The following CLVS1 variants were observed in gnomAD, a reference collection of about 807,000 sequenced individuals.
CLVS1 encodes the protein clavesin 1.
In CLVS1, 10 loss-of-function variants were observed where a neutral mutation model predicts 33.1. The observed-to-expected ratio is 0.30, with a 90% CI of 0.19 to 0.51. CLVS1 has a LOEUF of 0.51. Among genes scored for constraint, CLVS1 ranks in the 20% least tolerant of loss-of-function variants. The pLI, the probability that CLVS1 is intolerant of heterozygous loss-of-function variation, is 0.97. For missense variants in CLVS1, 343 were observed against 433.4 expected, an observed-to-expected ratio of 0.79 and a Z score of 1.85; for synonymous variants, 163 against 166.1, an observed-to-expected ratio of 0.98 and a Z score of 0.14.
At chr8:61,026,853 G>T in the CLVS1 span, among the ~76,000 whole-genome samples, 2 of 152,086 alleles carry the variant, frequency 1.3e-5, no homozygotes, top group Admixed American at 6.5e-5. Context: ...AACTCCAGAG[G>T]TATTACCACA....
chr8:61,375,196 G>A (rs1229548147), intron 2 of CLVS1, among the ~76,000 whole-genome samples: 3 of 151,442 alleles, frequency 2.0e-5, no homozygotes. Context: ...TTTAAGCATA[G>A]GCATAACACT....
intron 2 of CLVS1, among the ~76,000 whole-genome samples, chr8:61,221,873 G>A (rs978576953): frequency 1.3e-5 from 2 of 152,100 alleles, no homozygotes; most frequent in Non-Finnish European, 2.9e-5. Context: ...CTTGTTATTG[G>A]TCTATTCAGA....
chr8:61,433,704 T>C (rs1006536213), intron 3 of CLVS1, among the ~76,000 whole-genome samples: 1 of 151,204 alleles, frequency 6.6e-6, no homozygotes, highest in Non-Finnish European at 1.5e-5. Context: ...CAAGTAGAAG[T>C]TGGAAATGGG....
At chr8:61,010,677 CTA>C in the CLVS1 span, among the ~76,000 whole-genome samples, 2 of 152,210 alleles carry the variant, frequency 1.3e-5, no homozygotes, top group African/African-American at 4.8e-5. Flanking sequence ...ACAGGCAATT[CTA>C]TGAGTATCCA....
At chr8:61,038,958 T>C in the CLVS1 span, among the ~76,000 whole-genome samples, 2 of 152,234 alleles carry the variant, frequency 1.3e-5, no homozygotes, top group Non-Finnish European at 2.9e-5. Flanking sequence ...ACCCACATTT[T>C]TTTTTATTAA....
intron 1 of CLVS1, among the ~76,000 whole-genome samples, chr8:61,102,227 A>G (rs1423353538): frequency 6.6e-6 from 1 of 152,154 alleles, no homozygotes; most frequent in East Asian, 1.9e-4. Flanking sequence ...CTTCCAATTC[A>G]TGAATATGGG....
In CLVS1 at chr8:61,458,565, C is replaced by T. The variant is rs747902837; in HGVS notation, c.977+23C>T. The T allele has an allele frequency of 3.1e-5, 42 of 1,351,332 alleles. No individual in the cohort carries two copies. The African/African-American group carries it at 1.5e-3, about 48-fold the overall frequency. 83.7% of individuals were successfully genotyped at this position (1,351,332 alleles called of 1,614,324 possible). The stretch of plus-strand genomic sequence containing the variant: ...AAGGTAAGGCCTGGGTTATCAGAGC[C>T]CCCCCCCCAGTCAGAGGTCAATGGA... On this transcript the variant is annotated intron_variant, in intron 5 of 5. Transcript: ENST00000325897.
intron 2 of CLVS1, among the ~76,000 whole-genome samples, chr8:61,331,447 A>G (rs1275310281): frequency 6.8e-6 from 1 of 146,220 alleles, no homozygotes; most frequent in Admixed American, 6.8e-5. Context: ...TCCCTCCTCC[A>G]TTTTCCCTGG....
At chr8:61,270,881 T>G (rs2129592695) in intron 2 of CLVS1, among the ~76,000 whole-genome samples, 1 of 152,260 alleles carries the variant, frequency 6.6e-6, no homozygotes, top group East Asian at 1.9e-4. Context: ...CATTTTTTAT[T>G]GCATCTATTA....
the CLVS1 span, among the ~76,000 whole-genome samples, chr8:61,033,018 AAAG>A: frequency 8.5e-6 from 1 of 117,508 alleles, no homozygotes; most frequent in African/African-American, 3.4e-5. Context: ...AGAAAGAAAG[AAAG>A]AAAGAAAGAA....
chr8:61,201,207 T>G lies in CLVS1; in HGVS notation c.-152+69347T>G, dbSNP rs1045224033. On this transcript the variant is annotated intron_variant, in intron 2 of 2. Transcript: ENST00000522621. ...TCTTATCATCTAAGGGTCAGGAACT[T>G]ATTGCTTTTAAGGAATAAGATAATC... is the stretch of plus-strand genomic sequence containing the variant. 1.2e-4 allele frequency among the ~76,000 whole-genome samples: 19 copies of G among 152,200 alleles called. 1 individual carries two copies. Among genetic ancestry groups the G allele is most frequent in the African/African-American group, 4.3e-4 (18 of 41,450 alleles).
intron 2 of CLVS1, among the ~76,000 whole-genome samples, chr8:61,232,169 G>A (rs926055808): frequency 6.8e-6 from 1 of 147,012 alleles, no homozygotes; most frequent in Non-Finnish European, 1.5e-5. Flanking sequence ...CACGTAGCTG[G>A]GACTACAGGC....
intron 2 of CLVS1, among the ~76,000 whole-genome samples, chr8:61,345,766 A>G (rs1812196305): frequency 6.6e-6 from 1 of 151,802 alleles, no homozygotes; most frequent in Admixed American, 6.6e-5. Flanking sequence ...GAGGTAGAGA[A>G]GAGGAAAGGT....
At chr8:60,989,422 C>G in the CLVS1 span, among the ~76,000 whole-genome samples, 3 of 152,286 alleles carry the variant, frequency 2.0e-5, no homozygotes, top group East Asian at 5.8e-4. Context: ...GGCGATCCAC[C>G]CACCTCGGCC....
At chr8:61,118,651 G>A (rs1805794317) in intron 1 of CLVS1, among the ~76,000 whole-genome samples, 2 of 151,822 alleles carry the variant, frequency 1.3e-5, no homozygotes, top group South Asian at 4.2e-4. Context: ...TTCAGGAGCA[G>A]GTTGTTCAGT....
chr8:61,064,500 T>A (rs924402215), intron 1 of CLVS1, among the ~76,000 whole-genome samples: 1 of 152,084 alleles, frequency 6.6e-6, no homozygotes, highest in Non-Finnish European at 1.5e-5. Context: ...TATCTGAGTA[T>A]CTTCTTTGGA....
chr8:61,407,965 G>A (rs1008973206), intron 3 of CLVS1, among the ~76,000 whole-genome samples: 4 of 152,076 alleles, frequency 2.6e-5, no homozygotes, highest in African/African-American at 4.8e-5. Context: ...GCTAAGTTTT[G>A]TGTACAAAAC....
chr8:61,320,694 A>G (rs1464804223), intron 2 of CLVS1, among the ~76,000 whole-genome samples: 1 of 152,194 alleles, frequency 6.6e-6, no homozygotes, highest in East Asian at 1.9e-4. Flanking sequence ...CTCACATGGT[A>G]GTAGGAGAAA....
chr8:61,138,901 A>G (rs1206268921), intron 2 of CLVS1, among the ~76,000 whole-genome samples: 3 of 152,226 alleles, frequency 2.0e-5, no homozygotes, highest in African/African-American at 7.2e-5. Flanking sequence ...CCCGATTGTA[A>G]ATACAATATC....
Sources: allele counts gnomAD v4.1 joint callset (sites outside exome capture counted in the v4.1 genomes callset), GRCh38; gene constraint gnomAD v4.1.1; transcripts MANE v1.5; gene names NCBI Gene and HGNC (gene_info 2026-07-23, HGNC 2026-07-21).